Variants in IFT172 observed in about 807,000 individuals in gnomAD.
IFT172 encodes intraflagellar transport 172.
Under a neutral mutation model 248.9 loss-of-function variants are expected in IFT172, and 164 were observed. That is an observed-to-expected ratio of 0.66 (90% CI 0.58 to 0.75). The LOEUF is 0.75. Among genes scored for constraint, IFT172 ranks in the 30% least tolerant of loss-of-function variants. IFT172 has a pLI of 0.00. For missense variants in IFT172, 1,950 were observed against 2,192.4 expected (o/e 0.89, Z 2.21); for synonymous variants, 729 against 791.6 (o/e 0.92, Z 1.33).
intron 8 of IFT172, 110 bp from the exon 9 acceptor site, chr2:27,480,259 A>G: frequency 7.1e-7 from 1 of 1,418,118 alleles, no homozygotes; most frequent in South Asian, 1.6e-5. Flanking sequence ...GAAAGGAAAT[A>G]AAAAGAACAG....
At chr2:27,475,904 T>C (rs1200621299) in intron 14 of IFT172, among the ~76,000 whole-genome samples, 1 of 152,150 alleles carries the variant, frequency 6.6e-6, no homozygotes. Context: ...AGTGGTGGGA[T>C]TACAGGTGTG....
intron 14 of IFT172, among the ~76,000 whole-genome samples, chr2:27,476,157 A>C (rs1360131621): frequency 1.3e-5 from 2 of 152,220 alleles, no homozygotes; most frequent in Non-Finnish European, 2.9e-5. Flanking sequence ...GATTCTATGA[A>C]GTGAAAACAG....
At chr2:27,478,306 C>G in intron 10 of IFT172, 150 bp from the exon 11 acceptor site, 2 of 843,712 alleles carry the variant, frequency 2.4e-6, no homozygotes, top group Admixed American at 2.8e-5. Context: ...GTAATGATAT[C>G]TTATGTTTAT....
At chr2:27,462,931 G>T in intron 19 of IFT172, 138 bp from the exon 20 acceptor site, 1 of 1,157,054 alleles carries the variant, frequency 8.6e-7, no homozygotes, top group Non-Finnish European at 1.3e-6. Flanking sequence ...TTAAAGGTTT[G>T]AGGTTTAGCA....
At position 27,459,193 on chromosome 2, in the gene IFT172, G is replaced by A. The variant is rs113564075; in HGVS notation, c.2787+185C>T. On this transcript the variant is annotated intron_variant, in intron 25 of 47. Coordinates refer to ENST00000260570, the MANE Select transcript of IFT172 (RefSeq NM_015662.3). Reference sequence around the variant, plus strand: ...ACTTTATATATCTGGGGTGAAGGGCGATATCTGTGTCACACTGGAATGAAA... The same window carrying A: ...ACTTTATATATCTGGGGTGAAGGGCAATATCTGTGTCACACTGGAATGAAA... 40 of 719,992 alleles carry A rather than the reference G, an allele frequency of 5.6e-5. No homozygotes were observed. The Admixed American group carries it at 8.9e-4, about 16-fold the overall frequency. 44.6% of individuals were successfully genotyped at this position (719,992 alleles called of 1,614,324 possible).
intron 1 of IFT172, among the ~76,000 whole-genome samples, chr2:27,489,014 G>C (rs1044177753): frequency 6.6e-6 from 1 of 152,252 alleles, no homozygotes; most frequent in South Asian, 2.1e-4. Context: ...TCCAGCCTGG[G>C]CAACAGAGCA....
intron 14 of IFT172, among the ~76,000 whole-genome samples, chr2:27,475,891 C>T (rs1013440111): frequency 2.6e-5 from 4 of 152,000 alleles, no homozygotes; most frequent in African/African-American, 9.7e-5. Flanking sequence ...CTCAGCCTCC[C>T]AAAGTGGTGG....
chr2:27,488,226 T>C (rs865904971), intron 1 of IFT172, among the ~76,000 whole-genome samples: 13 of 152,194 alleles, frequency 8.5e-5, no homozygotes, highest in Admixed American at 3.3e-4. Context: ...CGATCTCGGC[T>C]CACTGCAACC....
chr2:27,471,300 T>G, intron 15 of IFT172: 1 of 437,690 alleles, frequency 2.3e-6, no homozygotes, highest in Non-Finnish European at 4.0e-6. Flanking sequence ...AACAAAGATC[T>G]ACATCCCAGG....
chr2:27,472,762 G>A (rs1667666341), intron 14 of IFT172, among the ~76,000 whole-genome samples: 1 of 152,210 alleles, frequency 6.6e-6, no homozygotes, highest in South Asian at 2.1e-4. Flanking sequence ...CTGCAAGGGT[G>A]GATGGTGGGG....
Position 27,454,320 on chromosome 2 carries a change from G to A in IFT172, c.3530+34C>T, listed in dbSNP as rs374978042. The A allele has an allele frequency of 5.6e-6, 9 of 1,613,270 alleles. No individual in the cohort carries two copies. Among genetic ancestry groups the A allele is most frequent in the Non-Finnish European group, 7.6e-6 (9 of 1,179,356 alleles). Reference sequence around the variant, plus strand: ...GAAAGATCCTGGGACGGTGACTGGGGAAACAGTATTAAGGAATGTATGGGG... The same window carrying A: ...GAAAGATCCTGGGACGGTGACTGGGAAAACAGTATTAAGGAATGTATGGGG... On this transcript the variant is annotated intron_variant, in intron 32 of 47. Coordinates refer to ENST00000260570, the MANE Select transcript of IFT172 (RefSeq NM_015662.3). The surrounding 1 kb of genome is among the most constrained non-coding windows in gnomAD (Gnocchi z 4.2).
At chr2:27,469,953 G>C (rs1024469837) in intron 16 of IFT172, among the ~76,000 whole-genome samples, 1 of 152,088 alleles carries the variant, frequency 6.6e-6, no homozygotes, top group African/African-American at 2.4e-5. Flanking sequence ...CAGGGGAGTG[G>C]TTAGATGCTG....
chr2:27,465,485 G>C lies in IFT172; in HGVS notation c.1863C>G (p.Thr621=). The change falls in exon 18 of 48, where the codon ACC becomes ACG. Residue 621 remains threonine, a synonymous_variant. Coordinates refer to ENST00000260570, the MANE Select transcript of IFT172 (RefSeq NM_015662.3). ...TTTTCCACATTGCCTCTGTTTCTGG[G>C]GTCATTTCCAGAGTCTCTAAGAAGG... The part of the protein sequence containing the change: ...ATAFLETLEM[T]PETEAMWKTL... The C allele has an allele frequency of 6.2e-7, 1 of 1,614,082 alleles. No homozygotes were observed.
intron 18 of IFT172, 32 bp downstream of exon 18, chr2:27,465,379 C>A: frequency 1.9e-6 from 3 of 1,560,228 alleles, no homozygotes; most frequent in Non-Finnish European, 1.8e-6. Context: ...CTCCTAGCTG[C>A]GTGGCACCTC....
At chr2:27,467,801 A>G (rs1289717292) in intron 16 of IFT172, among the ~76,000 whole-genome samples, 1 of 152,154 alleles carries the variant, frequency 6.6e-6, no homozygotes, top group Non-Finnish European at 1.5e-5. Flanking sequence ...AGAAACTTCC[A>G]AGAGTGATGA....
At chr2:27,469,780 C>T (rs980795713) in intron 16 of IFT172, among the ~76,000 whole-genome samples, 5 of 151,922 alleles carry the variant, frequency 3.3e-5, no homozygotes, top group Non-Finnish European at 7.4e-5. Flanking sequence ...TGCAGTGAGC[C>T]GAGATGACGC....
chr2:27,485,300 T>C, intron 2 of IFT172, 60 bp downstream of exon 2: 1 of 1,607,688 alleles, frequency 6.2e-7, no homozygotes, highest in East Asian at 2.2e-5. Context: ...AGACTACGTC[T>C]TTCAAGTTGT....
At chr2:27,466,223 G>T in intron 16 of IFT172, 1 of 239,400 alleles carries the variant, frequency 4.2e-6, no homozygotes, top group Non-Finnish European at 8.1e-6. Context: ...GCATTGCTTG[G>T]GCTTACTTGA....
In IFT172 at chr2:27,454,103, T is replaced by A. The variant is rs760796294; in HGVS notation, c.3590A>T (p.Asp1197Val). ...AQRVAEAHDP[D>V]SVAEVLVGQA... ...TCCCACAAGCACCTCGGCGACACTG[T>A]CAGGGTCGTGAGCCTCAGCCACACG... The change falls in exon 33 of 48, where the codon GAC becomes GTC. Residue 1197 changes from aspartate to valine, a missense_variant. This residue lies in a region of IFT172 where 620 missense variants were observed against 699.0 expected (regional missense o/e 0.89). Transcript: ENST00000260570. The surrounding 1 kb of genome is among the most constrained non-coding windows in gnomAD (Gnocchi z 4.2). The A allele has an allele frequency of 7.4e-6, 12 of 1,613,914 alleles. No individual in the cohort carries two copies. The highest frequency in any genetic ancestry group is 9.3e-6 in the Non-Finnish European group (11 of 1,179,984).
Sources: gnomAD v4.1 joint callset for allele counts (sites outside exome capture counted in the v4.1 genomes callset) on GRCh38, gnomAD v4.1.1 for gene constraint, gnomAD v4.1.1 regional missense constraint, Gnocchi (gnomAD v3.1) non-coding constraint, MANE v1.5 for transcripts, NCBI Gene and HGNC (gene_info 2026-07-23, HGNC 2026-07-21) for gene names.